CIROZ: variants seen among roughly 807,000 people sequenced by gnomAD.
CIROZ encodes the protein ciliated left-right organizer protein containing ZP-N domains, also known as ciliated left-right organizer ZP-N domains-containing protein.
At chr1:10,947,696 A>T in the CIROZ span, 4 of 1,527,206 alleles carry the variant, frequency 2.6e-6, no homozygotes, top group Non-Finnish European at 3.5e-6. Flanking sequence ...GCCCCTCCAC[A>T]CTGTCTTGAA....
At chr1:10,962,947 C>T in the CIROZ span, among the ~76,000 whole-genome samples, 14 of 152,268 alleles carry the variant, frequency 9.2e-5, no homozygotes, top group South Asian at 1.5e-3. Context: ...CAGTGAGACG[C>T]CGTCTCTACA....
the CIROZ span, chr1:10,953,942 C>T: frequency 3.3e-6 from 5 of 1,508,372 alleles, no homozygotes; most frequent in Non-Finnish European, 4.4e-6. Context: ...GAAGAAAGAA[C>T]CCCAGGGCCA....
At chr1:10,976,655 G>A in the CIROZ span, among the ~76,000 whole-genome samples, 1,693 of 146,220 alleles carry the variant, frequency 0.012, 43 homozygotes, top group African/African-American at 0.04. Context: ...CCGCCCACTC[G>A]TTATATTTCT....
At chr1:10,979,110 G>C in the CIROZ span, among the ~76,000 whole-genome samples, 1 of 152,110 alleles carries the variant, frequency 6.6e-6, no homozygotes, top group South Asian at 2.1e-4. Flanking sequence ...TCGTGCCTCA[G>C]CCTCCTGAGT....
chr1:10,962,002 CT>C, the CIROZ span, among the ~76,000 whole-genome samples: 1 of 152,206 alleles, frequency 6.6e-6, no homozygotes, highest in African/African-American at 2.4e-5. Flanking sequence ...CATCAGCAGC[CT>C]TTTCACTCCA....
the CIROZ span, among the ~76,000 whole-genome samples, chr1:10,961,939 T>C: frequency 0.033 from 5,095 of 152,170 alleles, 274 homozygotes; most frequent in African/African-American, 0.12. Flanking sequence ...AGAGCGAGAC[T>C]CTGTCTCAAA....
At chr1:10,956,477 C>CTT in the CIROZ span, among the ~76,000 whole-genome samples, 24 of 139,712 alleles carry the variant, frequency 1.7e-4, no homozygotes, top group Non-Finnish European at 2.8e-4. Context: ...GATGATTTTA[C>CTT]TTTTTTTTTT....
At chr1:10,976,117 C>T in the CIROZ span, 1 of 1,514,008 alleles carries the variant, frequency 6.6e-7, no homozygotes, top group South Asian at 1.2e-5. Flanking sequence ...GGGAAATATC[C>T]AAAGCCTGAT....
the CIROZ span, chr1:10,955,112 A>G: frequency 6.2e-7 from 1 of 1,614,026 alleles, no homozygotes; most frequent in Non-Finnish European, 8.5e-7. Flanking sequence ...TCCTCAATGT[A>G]GGAACCTCTT....
chr1:10,948,858 G>C, the CIROZ span: 1 of 1,479,400 alleles, frequency 6.8e-7, no homozygotes, highest in Non-Finnish European at 9.0e-7. Flanking sequence ...CACCAAGAGA[G>C]AAGTGGAGAG....
At chr1:10,955,606 G>C in the CIROZ span, among the ~76,000 whole-genome samples, 1 of 152,126 alleles carries the variant, frequency 6.6e-6, no homozygotes. Flanking sequence ...ACTTTGGGAG[G>C]CCGAGGTGGG....
chr1:10,951,741 A>T, the CIROZ span, among the ~76,000 whole-genome samples: 44 of 130,536 alleles, frequency 3.4e-4, no homozygotes, highest in African/African-American at 1.4e-3. Context: ...AAAAAAAAAA[A>T]AAAAATATAT....
chr1:10,961,465 G>A, the CIROZ span, among the ~76,000 whole-genome samples: 6 of 152,202 alleles, frequency 3.9e-5, no homozygotes, highest in African/African-American at 1.2e-4. Context: ...GGCTCAGAGC[G>A]GAGATGAGCC....
At chr1:10,951,762 A>G in the CIROZ span, among the ~76,000 whole-genome samples, 1 of 146,810 alleles carries the variant, frequency 6.8e-6, no homozygotes, top group African/African-American at 2.5e-5. Context: ...ATATATATAT[A>G]TATGCACACA....
the CIROZ span, among the ~76,000 whole-genome samples, chr1:10,966,754 C>T: frequency 6.6e-6 from 1 of 152,130 alleles, no homozygotes; most frequent in Non-Finnish European, 1.5e-5. Context: ...CCTCCCATGT[C>T]CCCCGGCTTC....
the CIROZ span, among the ~76,000 whole-genome samples, chr1:10,956,552 T>C: frequency 6.6e-6 from 1 of 151,564 alleles, no homozygotes; most frequent in South Asian, 2.1e-4. Context: ...CTCGGCTCAC[T>C]GCAAGCTCCG....
the CIROZ span, among the ~76,000 whole-genome samples, chr1:10,972,425 AC>A: frequency 0.013 from 1,845 of 139,290 alleles, 16 homozygotes; most frequent in East Asian, 0.043. Flanking sequence ...TGAAATACAC[AC>A]ACACACACAC....
the CIROZ span, among the ~76,000 whole-genome samples, chr1:10,947,471 C>A: frequency 3.3e-5 from 5 of 152,242 alleles, no homozygotes; most frequent in African/African-American, 1.2e-4. Flanking sequence ...ACCCAGTGCC[C>A]CTGGACTCCC....
chr1:10,952,355 C>G, the CIROZ span, among the ~76,000 whole-genome samples: 1 of 152,116 alleles, frequency 6.6e-6, no homozygotes, highest in South Asian at 2.1e-4. Context: ...CAAAAAAACT[C>G]TTCCTAAAAT....
Sources: gnomAD v4.1 joint callset for allele counts (sites outside exome capture counted in the v4.1 genomes callset) on GRCh38, gnomAD v4.1.1 for gene constraint, MANE v1.5 for transcripts, NCBI Gene and HGNC (gene_info 2026-07-23, HGNC 2026-07-21) for gene names.